Variants in GNAS observed in about 807,000 individuals in gnomAD.
GNAS encodes GNAS complex locus, also known as protein ALEX.
A neutral mutation model predicts 54.5 loss-of-function variants in GNAS; 8 were observed. That is an observed-to-expected ratio of 0.15 (90% CI 0.09 to 0.26). GNAS has a LOEUF of 0.26. Ranked by LOEUF, GNAS falls within the 10% of genes least tolerant of loss-of-function variation. The pLI, the probability that GNAS is intolerant of heterozygous loss-of-function variation, is 1.00. For synonymous variants in GNAS, 204 were observed against 191.4 expected, an observed-to-expected ratio of 1.07 and a Z score of -0.54; for missense variants, 170 against 529.8, an observed-to-expected ratio of 0.32 and a Z score of 6.67.
intron 1 of GNAS, among the ~76,000 whole-genome samples, chr20:58,846,919 C>G (rs565751817): frequency 6.6e-6 from 1 of 152,356 alleles, no homozygotes; most frequent in South Asian, 2.1e-4. Flanking sequence ...GAGATTCCCT[C>G]TTTCCCCTCC....
Position 58,891,567 on chromosome 20 carries a change from G to A in GNAS, c.-160G>A, listed in dbSNP as rs867775562. On this transcript the variant is annotated 5_prime_UTR_variant, in exon 1 of 13. Coordinates refer to ENST00000371085, the MANE Select transcript of GNAS (RefSeq NM_000516.7). ...TTCCCGCCCGTCCGCGCGCCCCGCGGCCCGCGGCCCGCAGTCCGCCCCGCG... is the reference window on the plus strand; with the variant it reads ...TTCCCGCCCGTCCGCGCGCCCCGCGACCCGCGGCCCGCAGTCCGCCCCGCG... 5 of 969,878 alleles carry A rather than the reference G, an allele frequency of 5.2e-6. No individual in the cohort carries two copies. The highest frequency in any genetic ancestry group is 1.2e-4 in the East Asian group (1 of 8,280). The allele number at this position is 969,878 out of a possible 1,614,324, so 60.1% of individuals were successfully genotyped here.
chr20:58,859,172 G>C (rs551583617), intron 1 of GNAS, among the ~76,000 whole-genome samples: 5 of 152,178 alleles, frequency 3.3e-5, no homozygotes, highest in Non-Finnish European at 7.3e-5. Flanking sequence ...TTAGTAACCA[G>C]TAATAATAAT....
chr20:58,878,820 C>G lies in GNAS; in HGVS notation c.44-16792C>G, dbSNP rs546044164. On this transcript the variant is annotated intron_variant, in intron 1 of 12. Transcript: ENST00000306090. ...GTCTGGAAGGAGGGAGATGCAGGAG[C>G]AGCATCCTGGCTTATGACCGCGTGG... 2.0e-5 allele frequency among the ~76,000 whole-genome samples: 3 copies of G among 151,036 alleles called. No individual in the cohort carries two copies. In the South Asian group the frequency reaches 6.3e-4, roughly 32 times the overall value.
At chr20:58,889,089 T>A (rs1184828847), upstream of GNAS, 1 of 1,060,426 alleles carries the variant, frequency 9.4e-7, no homozygotes, top group African/African-American at 1.7e-5. Context: ...CCCCTTCGGT[T>A]TATAGGGGCC....
chr20:58,888,302 C>G (rs2088742386), upstream of GNAS: 1 of 152,076 alleles, frequency 6.6e-6, no homozygotes, highest in African/African-American at 2.4e-5. Context: ...TGGTGAGCCG[C>G]GGAACTGGCA....
intron 1 of GNAS, among the ~76,000 whole-genome samples, chr20:58,878,916 G>A (rs1292209328): frequency 7.9e-5 from 12 of 151,384 alleles, no homozygotes; most frequent in Non-Finnish European, 7.4e-5. Context: ...TGCGGGTGGG[G>A]GGGGGAGGGA....
chr20:58,865,855 A>C (rs983722120), intron 1 of GNAS, among the ~76,000 whole-genome samples: 2 of 152,208 alleles, frequency 1.3e-5, no homozygotes, highest in Non-Finnish European at 2.9e-5. Context: ...TTGATTAACC[A>C]AGTCAGTCCC....
In GNAS at chr20:58,910,528, G is replaced by C. The variant is rs569837743; in HGVS notation, c.1038+127G>C. 7.9e-6 allele frequency: 9 copies of C among 1,138,964 alleles called. No individual in the cohort carries two copies. Among genetic ancestry groups the C allele is most frequent in the Non-Finnish European group, 2.6e-6 (2 of 758,184 alleles). 70.6% of individuals were successfully genotyped at this position (1,138,964 alleles called of 1,614,324 possible). On this transcript the variant is annotated intron_variant, in intron 12 of 12. Transcript: ENST00000371085. The surrounding 1 kb of genome is among the most constrained non-coding windows in gnomAD (Gnocchi z 5.8). Reference sequence around the variant, plus strand: ...CATGGTTTTAGTTCACGCACATCCAGTGTGGATTTGAGCTCTTTGCGCCCC... The same window carrying C: ...CATGGTTTTAGTTCACGCACATCCACTGTGGATTTGAGCTCTTTGCGCCCC...
upstream of GNAS, chr20:58,840,057 T>G (rs1243582999): frequency 3.8e-6 from 6 of 1,598,468 alleles, no homozygotes; most frequent in Non-Finnish European, 5.1e-6. The surrounding 1 kb of genome is among the most constrained non-coding windows in gnomAD (Gnocchi z 6.0). Context: ...TCGGAGCCAC[T>G]CTCTGCAGAG....
chr20:58,903,871 C>T (rs1466166044), intron 5 of GNAS, 80 bp downstream of exon 5: 2 of 1,474,220 alleles, frequency 1.4e-6, no homozygotes, highest in East Asian at 2.3e-5. Flanking sequence ...AGTGACAGCC[C>T]TGCACATGGG....
At chr20:58,902,526 T>TA (rs2090708867) in intron 3 of GNAS, among the ~76,000 whole-genome samples, 1 of 151,956 alleles carries the variant, frequency 6.6e-6, no homozygotes, top group African/African-American at 2.4e-5. Flanking sequence ...GTGGCTGAGT[T>TA]AAACTCAAGG....
At chr20:58,843,944 T>A (rs755035970) in intron 1 of GNAS, 8 of 152,196 alleles carry the variant, frequency 5.3e-5, no homozygotes, top group Non-Finnish European at 1.0e-4. Context: ...TGGGATTGTT[T>A]TGAGATGTTT....
chr20:58,902,153 G>C (rs2090671749), intron 3 of GNAS, among the ~76,000 whole-genome samples: 1 of 151,740 alleles, frequency 6.6e-6, no homozygotes, highest in South Asian at 2.1e-4. Flanking sequence ...TTCCCTGTCA[G>C]AGAGGCAGGA....
intron 1 of GNAS, among the ~76,000 whole-genome samples, chr20:58,886,123 G>A (rs2088571711): frequency 6.6e-6 from 1 of 152,184 alleles, no homozygotes; most frequent in Admixed American, 6.5e-5. Context: ...TACTCAGAAA[G>A]GAGGATACCC....
At chr20:58,893,244 AT>A (rs1315977380) in intron 1 of GNAS, among the ~76,000 whole-genome samples, 2 of 144,484 alleles carry the variant, frequency 1.4e-5, no homozygotes, top group Non-Finnish European at 1.5e-5. Context: ...TTTTCCTCTG[AT>A]TAAAAAAATA....
chr20:58,884,066 G>A (rs1478961418), intron 1 of GNAS, among the ~76,000 whole-genome samples: 1 of 152,230 alleles, frequency 6.6e-6, no homozygotes, highest in African/African-American at 2.4e-5. Flanking sequence ...TGGGACTGGA[G>A]AGGGGGTTTT....
At position 58,854,205 on chromosome 20, in the gene GNAS, GC is replaced by G. The variant is rs753014659; in HGVS notation, c.43+13324del. 3 of 1,612,950 alleles carry G rather than the reference GC, an allele frequency of 1.9e-6. No individual in the cohort carries two copies. In the African/African-American group the frequency reaches 4.0e-5, roughly 22 times the overall value. ...CGGACCCCCGTTCGAGATTGGCAGC[GC>G]CCCCGCTGGGGTCGACGACACTCCC... is the stretch of plus-strand genomic sequence containing the variant. On this transcript the variant is annotated intron_variant, in intron 1 of 12. Transcript: ENST00000306090.
chr20:58,840,680 G>A (rs2085682510), upstream of GNAS: 1 of 1,604,766 alleles, frequency 6.2e-7, no homozygotes, highest in South Asian at 1.1e-5. This position sits in a 1 kb window ranked among gnomAD's most constrained non-coding sequence, Gnocchi z 6.0. Flanking sequence ...CAGGGAAGGG[G>A]AGGAGCTCAA....
chr20:58,844,061 A>G (rs1421530427), intron 1 of GNAS: 1 of 152,240 alleles, frequency 6.6e-6, no homozygotes, highest in Non-Finnish European at 1.5e-5. Context: ...AAGAAAGCTG[A>G]AACTTCAGTG....
Sources: gnomAD v4.1 joint callset for allele counts (sites outside exome capture counted in the v4.1 genomes callset) on GRCh38, gnomAD v4.1.1 for gene constraint, Gnocchi (gnomAD v3.1) non-coding constraint, MANE v1.5 for transcripts, NCBI Gene and HGNC (gene_info 2026-07-23, HGNC 2026-07-21) for gene names.